Variants in TCF20 observed in about 807,000 individuals in gnomAD.
The protein encoded by TCF20 is SPRE-binding protein.
A neutral mutation model predicts 148.6 loss-of-function variants in TCF20; 3 were observed. The observed-to-expected ratio is 0.02, with a 90% CI of 0.01 to 0.05. The LOEUF is 0.05. TCF20 is among the 10% of genes least tolerant of loss of function. The pLI is 1.00. For synonymous variants in TCF20, 1,049 were observed against 909.5 expected (o/e 1.15, Z -2.76); for missense variants, 2,350 against 2,429.3 (o/e 0.97, Z 0.69).
chr22:42,278,039 C>T (rs2147013297), intron 1 of TCF20: 1 of 152,406 alleles, frequency 6.6e-6, no homozygotes, highest in East Asian at 1.9e-4. Flanking sequence ...GTAAAGCCTT[C>T]CACATTCTCT....
intron 1 of TCF20, among the ~76,000 whole-genome samples, chr22:42,281,583 C>G (rs1056901207): frequency 6.6e-6 from 1 of 152,250 alleles, no homozygotes; most frequent in Non-Finnish European, 1.5e-5. Context: ...CTTAGCACGG[C>G]AAACTCCTAC....
At chr22:42,250,902 T>G (rs1012518780) in intron 1 of TCF20, among the ~76,000 whole-genome samples, 4 of 152,182 alleles carry the variant, frequency 2.6e-5, no homozygotes, top group Admixed American at 6.5e-5. Flanking sequence ...CATCACATGA[T>G]GAGGACTGAG....
Position 42,224,602 on chromosome 22 carries a change from A to C in TCF20, c.-36-9261T>G, listed in dbSNP as rs372124466. Among the ~76,000 whole-genome samples, 131 of 150,848 alleles carry C rather than the reference A, an allele frequency of 8.7e-4. 1 individual carries two copies. Among genetic ancestry groups the C allele is most frequent in the African/African-American group, 2.7e-3 (110 of 40,982 alleles). On this transcript the variant is annotated intron_variant, in intron 1 of 5. Coordinates refer to ENST00000677622, the MANE Select transcript of TCF20 (RefSeq NM_001378418.1). ...ATGACTCTTGGAAAAGAAAACTGGT[A>C]ATAAAACAGTCAACCAAACAAAAAA...
chr22:42,176,819 G>T (rs924418799), intron 3 of TCF20, among the ~76,000 whole-genome samples: 1 of 152,144 alleles, frequency 6.6e-6, no homozygotes, highest in African/African-American at 2.4e-5. Context: ...TTAAAAAGTA[G>T]AACAGAGGAT....
intron 1 of TCF20, among the ~76,000 whole-genome samples, chr22:42,237,648 T>C (rs1924003966): frequency 6.6e-6 from 1 of 152,260 alleles, no homozygotes; most frequent in Admixed American, 6.5e-5. Context: ...ATGAAACATA[T>C]TTCTTAAATA....
intron 1 of TCF20, among the ~76,000 whole-genome samples, chr22:42,223,916 A>G (rs1922608766): frequency 6.6e-6 from 1 of 152,348 alleles, no homozygotes; most frequent in Admixed American, 6.5e-5. Context: ...TTAGTGTAAT[A>G]GGACTTCAGA....
chr22:42,179,490 CAAAAA>C (rs57857271), intron 3 of TCF20, 114 bp downstream of exon 3: 847 of 371,092 alleles, frequency 2.3e-3, no homozygotes, highest in South Asian at 3.9e-3. Flanking sequence ...TATGAAGTGA[CAAAAA>C]AAAAAAAAAA....
At chr22:42,244,694 T>C (rs1307172957) in intron 1 of TCF20, among the ~76,000 whole-genome samples, 5 of 152,074 alleles carry the variant, frequency 3.3e-5, no homozygotes, top group African/African-American at 1.2e-4. Context: ...TAGATACAGG[T>C]TGTTATGGGT....
At chr22:42,330,769 A>G (rs1195246973) in intron 1 of TCF20, among the ~76,000 whole-genome samples, 1 of 152,196 alleles carries the variant, frequency 6.6e-6, no homozygotes, top group African/African-American at 2.4e-5. Context: ...AAGTGTTCCC[A>G]GAGGAGGCAA....
intron 1 of TCF20, among the ~76,000 whole-genome samples, chr22:42,315,052 G>A (rs1289274671): frequency 6.6e-6 from 1 of 152,076 alleles, no homozygotes; most frequent in African/African-American, 2.4e-5. Context: ...ATGACACAAA[G>A]CCAGTTTTCA....
chr22:42,319,078 G>C (rs1289720410), intron 1 of TCF20, among the ~76,000 whole-genome samples: 1 of 152,234 alleles, frequency 6.6e-6, no homozygotes. Flanking sequence ...CACATGCAGG[G>C]AACATTCAGG....
intron 1 of TCF20, among the ~76,000 whole-genome samples, chr22:42,222,589 G>C (rs1922480186): frequency 6.6e-6 from 1 of 151,902 alleles, no homozygotes; most frequent in Non-Finnish European, 1.5e-5. Context: ...TGTGCCATCG[G>C]CCCACTCTCA....
At position 42,290,487 on chromosome 22, in the gene TCF20, A is replaced by G. The variant is rs1927113762; in HGVS notation, c.-37+52992T>C. 6.6e-6 allele frequency among the ~76,000 whole-genome samples: 1 copy of G among 152,168 alleles called. No individual in the cohort carries two copies. Among genetic ancestry groups the G allele is most frequent in the Admixed American group, 6.5e-5 (1 of 15,284 alleles). ...GGTGTGACCAGGCCATGGAGCGGGCAGGCTGGGGGCACGTGGGAGGCCTCT... is the reference window on the plus strand; with the variant it reads ...GGTGTGACCAGGCCATGGAGCGGGCGGGCTGGGGGCACGTGGGAGGCCTCT... On this transcript the variant is annotated intron_variant, in intron 1 of 1. Transcript: ENST00000515426. This position sits in a 1 kb window ranked among gnomAD's most constrained non-coding sequence, Gnocchi z 4.2.
intron 2 of TCF20, among the ~76,000 whole-genome samples, chr22:42,200,450 G>A (rs1342818904): frequency 1.3e-5 from 2 of 151,992 alleles, no homozygotes; most frequent in Non-Finnish European, 2.9e-5. Context: ...AGGCCAGCCT[G>A]GCCAACATGG....
At chr22:42,315,137 G>A (rs1411913358) in intron 1 of TCF20, among the ~76,000 whole-genome samples, 1 of 152,116 alleles carries the variant, frequency 6.6e-6, no homozygotes, top group African/African-American at 2.4e-5. Flanking sequence ...ACAGGAGGCT[G>A]TGGACACCTC....
At position 42,212,365 on chromosome 22, in the gene TCF20, G is replaced by T; in HGVS notation, c.2941C>A (p.Gln981Lys). Residue 981 changes from glutamine (Q) to lysine (K), a missense_variant, in exon 2 of 6, where the codon CAA becomes AAA. Transcript: ENST00000677622. ...CGCATTGGCGTGGGTCTGCTGTCTT[G>T]CGGGCCATAGTCTGAAAGGGAATCA... ...THDSLSDYGP[Q>K]DSRPTPMRRV... 1 of 1,614,216 alleles carries T rather than the reference G, an allele frequency of 6.2e-7. No homozygotes were observed. The highest frequency in any genetic ancestry group is 8.5e-7 in the Non-Finnish European group (1 of 1,180,040).
chr22:42,173,216 G>A (rs1936235286), intron 3 of TCF20, among the ~76,000 whole-genome samples: 1 of 149,058 alleles, frequency 6.7e-6, no homozygotes. Context: ...CTTAATTGTT[G>A]TGGCTCATTG....
At chr22:42,314,397 T>TCA (rs2147044401) in intron 1 of TCF20, among the ~76,000 whole-genome samples, 1 of 152,338 alleles carries the variant, frequency 6.6e-6, no homozygotes, top group Admixed American at 6.5e-5. Context: ...ATGGCCATTG[T>TCA]CAGAAAATGA....
chr22:42,173,529 T>G (rs1936262334), intron 3 of TCF20, among the ~76,000 whole-genome samples: 2 of 152,222 alleles, frequency 1.3e-5, no homozygotes. Context: ...AATGTTAAAC[T>G]GCTCTTTACT....
Sources: allele counts gnomAD v4.1 joint callset (sites outside exome capture counted in the v4.1 genomes callset), GRCh38; gene constraint gnomAD v4.1.1; non-coding constraint Gnocchi (gnomAD v3.1); transcripts MANE v1.5; gene names NCBI Gene and HGNC (gene_info 2026-07-23, HGNC 2026-07-21).